The following PIP5K1A variants were observed in gnomAD, a reference collection of about 807,000 sequenced individuals.
PIP5K1A encodes phosphatidylinositol 4-phosphate 5-kinase type-1 alpha.
PIP5K1A carries 46 observed loss-of-function variants against 72.9 expected under a neutral mutation model. The ratio of observed to expected loss-of-function variants is 0.63; its 90% confidence interval spans 0.50 to 0.81. The LOEUF is 0.81. Ranked by LOEUF, PIP5K1A falls within the 30% of genes least tolerant of loss-of-function variation. The pLI, the probability that PIP5K1A is intolerant of heterozygous loss-of-function variation, is 0.00. For missense variants in PIP5K1A, 458 were observed against 706.1 expected (o/e 0.65, Z 3.98); for synonymous variants, 228 against 255.1 (o/e 0.89, Z 1.01).
intron 3 of PIP5K1A, among the ~76,000 whole-genome samples, chr1:151,226,220 G>T (rs1386090542): frequency 1.3e-5 from 2 of 151,686 alleles, no homozygotes; most frequent in East Asian, 3.9e-4. Flanking sequence ...CCGAGTAGCT[G>T]GGATTACAGG....
chr1:151,208,275 G>C (rs963266028), intron 1 of PIP5K1A, among the ~76,000 whole-genome samples: 1 of 151,784 alleles, frequency 6.6e-6, no homozygotes, highest in Non-Finnish European at 1.5e-5. Flanking sequence ...ACTTCTGACT[G>C]TTTCCTAGAA....
intron 1 of PIP5K1A, among the ~76,000 whole-genome samples, chr1:151,215,076 G>C (rs1687387439): frequency 6.8e-6 from 1 of 147,988 alleles, no homozygotes; most frequent in Admixed American, 6.8e-5. Context: ...CGTTGCCCAG[G>C]CTGGAGTGCA....
rs1691838451 is a variant in PIP5K1A at position 151,242,204 on chromosome 1, C to T, written c.1445C>T (p.Thr482Ile). ...GGCTCCAGTGGCAACTCCTGCATTA[C>T]TTACCAGCCATCGGTCTCTGGGGAA... ...RAGSSGNSCI[T>I]YQPSVSGEHK... Residue 482 changes from threonine (T) to isoleucine (I), a missense_variant, in exon 13 of 16, where the codon ACT becomes ATT. This residue lies in a region of PIP5K1A where 157 missense variants were observed against 175.5 expected (regional missense o/e 0.89). Coordinates refer to ENST00000368888, the MANE Select transcript of PIP5K1A (RefSeq NM_001135638.2). 1 of 1,614,138 alleles carries T rather than the reference C, an allele frequency of 6.2e-7. No homozygotes were observed.
At chr1:151,226,713 C>A (rs375170630) in intron 3 of PIP5K1A, among the ~76,000 whole-genome samples, 45 of 124,810 alleles carry the variant, frequency 3.6e-4, no homozygotes, top group Non-Finnish European at 3.1e-4. Flanking sequence ...AACTCTGTCT[C>A]AAAAAAAAAA....
chr1:151,242,229 A>G lies in PIP5K1A; in HGVS notation c.1470A>G (p.Glu490=), dbSNP rs753686724. 5.6e-6 allele frequency: 9 copies of G among 1,614,158 alleles called. No homozygotes were observed. In the Admixed American group the frequency reaches 1.2e-4, roughly 21 times the overall value. Reference sequence around the variant, plus strand: ...CTTACCAGCCATCGGTCTCTGGGGAACACAAGGCACAAGTGACAACAAAGG... The same window carrying G: ...CTTACCAGCCATCGGTCTCTGGGGAGCACAAGGCACAAGTGACAACAAAGG... ...CITYQPSVSG[E]HKAQVTTKAE... Residue 490 remains glutamate, a synonymous_variant, in exon 13 of 16, where the codon GAA becomes GAG. Transcript: ENST00000368888.
intron 1 of PIP5K1A, among the ~76,000 whole-genome samples, chr1:151,201,071 T>C (rs2101836373): frequency 6.6e-6 from 1 of 152,298 alleles, no homozygotes; most frequent in South Asian, 2.1e-4. Context: ...CCTGACCCTG[T>C]GATCCGCCCG....
upstream of PIP5K1A, among the ~76,000 whole-genome samples, chr1:151,195,497 C>G (rs1449404438): frequency 1.3e-5 from 2 of 152,184 alleles, no homozygotes; most frequent in African/African-American, 4.8e-5. Context: ...GAGGACACCC[C>G]AGGTACTGAG....
intron 4 of PIP5K1A, among the ~76,000 whole-genome samples, chr1:151,228,516 C>T (rs1434857388): frequency 6.6e-6 from 1 of 152,046 alleles, no homozygotes; most frequent in Admixed American, 6.6e-5. Flanking sequence ...CTTTTTTGAG[C>T]TCTGAATATC....
chr1:151,241,287 G>T (rs926396784), intron 12 of PIP5K1A, among the ~76,000 whole-genome samples: 1 of 152,112 alleles, frequency 6.6e-6, no homozygotes, highest in Non-Finnish European at 1.5e-5. Context: ...AGATCACAAG[G>T]TCCGGAGATT....
At chr1:151,224,522 A>G in intron 3 of PIP5K1A, 116 bp downstream of exon 3, 1 of 774,212 alleles carries the variant, frequency 1.3e-6, no homozygotes, top group Non-Finnish European at 2.2e-6. Context: ...CAAAAAGTAA[A>G]TACTGTACCT....
At position 151,208,719 on chromosome 1, in the gene PIP5K1A, C is replaced by CTTTTT. The variant is rs61545057; in HGVS notation, c.85+9664_85+9668dup. Among the ~76,000 whole-genome samples the CTTTTT allele has an allele frequency of 6.9e-3, 298 of 43,176 alleles. 88 individuals are homozygous for CTTTTT. The highest frequency in any genetic ancestry group is 0.048 in the Middle Eastern group (2 of 42). 28.3% of individuals were successfully genotyped at this position (43,176 alleles called of 152,430 possible). On this transcript the variant is annotated intron_variant, in intron 1 of 15. Transcript: ENST00000368888. ...TTATTAAGGATGTTGTAATGGTACG[C>CTTTTT]TTTTTTTTTTTTTTTTTTTTTTTTT... is the stretch of plus-strand genomic sequence containing the variant.
rs184505314 is a variant in PIP5K1A, at chr1:151,247,495, G to A, written c.1687-368G>A. Reference sequence around the variant, plus strand: ...GGCTGGAGTGCAGTGGCGCGATCTCGGCTCACTGCAAGCTACGCCTCCCAG... The same window carrying A: ...GGCTGGAGTGCAGTGGCGCGATCTCAGCTCACTGCAAGCTACGCCTCCCAG... On this transcript the variant is annotated intron_variant, in intron 15 of 15. Coordinates refer to ENST00000368888, the MANE Select transcript of PIP5K1A (RefSeq NM_001135638.2). Among the ~76,000 whole-genome samples, 454 of 152,092 alleles carry A rather than the reference G, an allele frequency of 3.0e-3. 6 individuals carry two copies. Among genetic ancestry groups the A allele is most frequent in the African/African-American group, 0.01 (425 of 41,494 alleles).
At chr1:151,237,707 C>T (rs905056554) in intron 9 of PIP5K1A, among the ~76,000 whole-genome samples, 8 of 151,986 alleles carry the variant, frequency 5.3e-5, no homozygotes, top group African/African-American at 1.9e-4. Context: ...AGGCATCCTT[C>T]TTCATCATGC....
intron 1 of PIP5K1A, among the ~76,000 whole-genome samples, chr1:151,200,142 C>T (rs1268450797): frequency 6.8e-6 from 1 of 147,756 alleles, no homozygotes; most frequent in Non-Finnish European, 1.5e-5. Context: ...GTAGAGACTG[C>T]GAGAAGTGAT....
chr1:151,211,836 G>A (rs1426133802), intron 1 of PIP5K1A, among the ~76,000 whole-genome samples: 1 of 150,780 alleles, frequency 6.6e-6, no homozygotes, highest in African/African-American at 2.4e-5. Flanking sequence ...GGGTGCGGTG[G>A]CTCACGCCTG....
At chr1:151,224,504 A>G (rs1688832343) in intron 3 of PIP5K1A, 98 bp downstream of exon 3, 2 of 880,172 alleles carry the variant, frequency 2.3e-6, no homozygotes, top group East Asian at 4.8e-5. Flanking sequence ...ACCAAATGCA[A>G]TATATACCAA....
chr1:151,239,363 C>T (rs1046305370), intron 11 of PIP5K1A, among the ~76,000 whole-genome samples, 185 bp downstream of exon 11: 1 of 151,488 alleles, frequency 6.6e-6, no homozygotes, highest in Admixed American at 6.6e-5. Context: ...ACCTCCGTCT[C>T]GCAGTTTCAA....
chr1:151,215,954 C>T (rs1368353280), intron 1 of PIP5K1A: 14 of 1,300,904 alleles, frequency 1.1e-5, no homozygotes, highest in Non-Finnish European at 1.4e-5. Flanking sequence ...TCTGTTTTTC[C>T]TCATTAGGTT....
At chr1:151,225,532 C>T (rs983521067) in intron 3 of PIP5K1A, among the ~76,000 whole-genome samples, 2 of 149,876 alleles carry the variant, frequency 1.3e-5, no homozygotes, top group Non-Finnish European at 3.0e-5. Flanking sequence ...TACAGTGGCT[C>T]GATCTTGGCT....
Sources: allele counts gnomAD v4.1 joint callset (sites outside exome capture counted in the v4.1 genomes callset), GRCh38; gene constraint gnomAD v4.1.1; regional missense constraint gnomAD v4.1.1; transcripts MANE v1.5; gene names NCBI Gene and HGNC (gene_info 2026-07-23, HGNC 2026-07-21).